The following IMMP2L variants were observed in gnomAD, a reference collection of about 807,000 sequenced individuals.
IMMP2L encodes the protein inner mitochondrial membrane peptidase subunit 2.
IMMP2L carries 18 observed loss-of-function variants against 19.3 expected under a neutral mutation model. The observed-to-expected ratio is 0.93, with a 90% CI of 0.64 to 1.38. The LOEUF (loss-of-function observed/expected upper bound fraction) is 1.38. Among genes scored for constraint, IMMP2L ranks in the 40% most tolerant of loss-of-function variants. The pLI, the probability that IMMP2L is intolerant of heterozygous loss-of-function variation, is 0.00. For synonymous variants in IMMP2L, 76 were observed against 73.0 expected, an observed-to-expected ratio of 1.04 and a Z score of -0.21; for missense variants, 233 against 218.2, an observed-to-expected ratio of 1.07 and a Z score of -0.43.
intron 3 of IMMP2L, among the ~76,000 whole-genome samples, chr7:111,397,238 T>G (rs554004226): frequency 6.6e-6 from 1 of 152,282 alleles, no homozygotes; most frequent in African/African-American, 2.4e-5. Context: ...GTATACATCA[T>G]TTTGTAACTT....
At chr7:111,338,346 T>C (rs553250974) in intron 3 of IMMP2L, among the ~76,000 whole-genome samples, 4 of 152,096 alleles carry the variant, frequency 2.6e-5, no homozygotes, top group African/African-American at 7.2e-5. Flanking sequence ...TTTTTTGCTA[T>C]GAATCTCAAT....
rs145950811 is a variant in IMMP2L, at chr7:111,262,743, T to C, written c.239+224495A>G. ...TTTCATAATTTAAATATTCCTGCTA[T>C]GTGAAGTAATCCCATGAACATCATA... On this transcript the variant is annotated intron_variant, in intron 3 of 5. Transcript: ENST00000405709. Among the ~76,000 whole-genome samples, 258 of 152,278 alleles carry C rather than the reference T, an allele frequency of 1.7e-3. 3 individuals are homozygous for C. Among genetic ancestry groups the C allele is most frequent in the African/African-American group, 6.0e-3 (248 of 41,556 alleles).
chr7:111,193,685 C>T (rs1211959595), intron 3 of IMMP2L, among the ~76,000 whole-genome samples: 1 of 151,926 alleles, frequency 6.6e-6, no homozygotes, highest in East Asian at 1.9e-4. Context: ...AGAGCCTCTT[C>T]ATTTAAGTGG....
intron 3 of IMMP2L, among the ~76,000 whole-genome samples, chr7:111,268,662 G>A (rs1312207146): frequency 7.6e-6 from 1 of 131,620 alleles, no homozygotes; most frequent in South Asian, 2.5e-4. Context: ...GCATGAACGG[G>A]GCTCACTAAA....
chr7:111,512,761 C>G (rs1416841507), intron 2 of IMMP2L, among the ~76,000 whole-genome samples: 1 of 151,762 alleles, frequency 6.6e-6, no homozygotes, highest in Admixed American at 6.6e-5. Context: ...GACATATAGA[C>G]CAATGTAATA....
chr7:111,324,681 A>T lies in IMMP2L; in HGVS notation c.239+162557T>A, dbSNP rs542910674. Among the ~76,000 whole-genome samples the T allele has an allele frequency of 8.6e-5, 13 of 151,998 alleles. No homozygotes were observed. In the South Asian group the frequency reaches 2.7e-3, roughly 31 times the overall value. Reference sequence around the variant, plus strand: ...GAGAAATTCCAATACTATATTCCCTAACAAAGGGAAAAAAATAAATTATAG... The same window carrying T: ...GAGAAATTCCAATACTATATTCCCTTACAAAGGGAAAAAAATAAATTATAG... On this transcript the variant is annotated intron_variant, in intron 3 of 5. Coordinates refer to ENST00000405709, the MANE Select transcript of IMMP2L (RefSeq NM_032549.4).
At chr7:111,181,631 A>G (rs1194575690) in intron 3 of IMMP2L, among the ~76,000 whole-genome samples, 1 of 151,996 alleles carries the variant, frequency 6.6e-6, no homozygotes, top group Non-Finnish European at 1.5e-5. Context: ...AAATACAAAA[A>G]CTTGAACTTT....
chr7:110,770,700 A>G (rs1798976636), intron 5 of IMMP2L, among the ~76,000 whole-genome samples: 1 of 152,190 alleles, frequency 6.6e-6, no homozygotes, highest in African/African-American at 2.4e-5. Flanking sequence ...TTGGGCAACT[A>G]TTACATTAAA....
chr7:111,031,408 G>GTGTGTGTA (rs71151825), intron 3 of IMMP2L, among the ~76,000 whole-genome samples: 1 of 13,928 alleles, frequency 7.2e-5, no homozygotes, highest in South Asian at 9.2e-4. Flanking sequence ...GTGTGTGTGT[G>GTGTGTGTA]AGAGAAAGAG....
At chr7:111,046,874 G>A (rs1051790313) in intron 3 of IMMP2L, among the ~76,000 whole-genome samples, 1 of 152,100 alleles carries the variant, frequency 6.6e-6, no homozygotes, top group African/African-American at 2.4e-5. Context: ...CGGGCATTGG[G>A]CCAAGAGCGT....
chr7:111,037,942 T>C (rs555383499), intron 3 of IMMP2L, among the ~76,000 whole-genome samples: 2 of 152,162 alleles, frequency 1.3e-5, no homozygotes, highest in Non-Finnish European at 2.9e-5. Context: ...GTTGCGGGGA[T>C]ATCTTAAAGT....
At chr7:111,130,667 T>C (rs1263340401) in intron 3 of IMMP2L, among the ~76,000 whole-genome samples, 2 of 152,074 alleles carry the variant, frequency 1.3e-5, no homozygotes, top group Non-Finnish European at 2.9e-5. Context: ...TCCCTGTCAT[T>C]TGTGGTACTA....
intron 4 of IMMP2L, among the ~76,000 whole-genome samples, chr7:110,888,527 C>T (rs1014024512): frequency 1.3e-5 from 2 of 152,112 alleles, no homozygotes; most frequent in Non-Finnish European, 2.9e-5. Context: ...ATCATTTCTG[C>T]AGTGACACGG....
intron 3 of IMMP2L, among the ~76,000 whole-genome samples, chr7:111,324,812 T>TC (rs1481678860): frequency 3.3e-5 from 5 of 151,872 alleles, no homozygotes; most frequent in Non-Finnish European, 5.9e-5. Flanking sequence ...AAACTAAAAT[T>TC]CAAAGTGCAA....
chr7:111,295,855 A>G (rs987849755), intron 3 of IMMP2L, among the ~76,000 whole-genome samples: 3 of 151,914 alleles, frequency 2.0e-5, no homozygotes, highest in South Asian at 4.1e-4. Context: ...AAAATGTGGC[A>G]TATCAACAAA....
chr7:110,713,362 C>T (rs1189100808), intron 5 of IMMP2L, among the ~76,000 whole-genome samples: 1 of 152,138 alleles, frequency 6.6e-6, no homozygotes, highest in Non-Finnish European at 1.5e-5. Context: ...TGACTTTGTT[C>T]TTACAGCTTG....
chr7:110,854,202 T>C (rs1806520536), intron 5 of IMMP2L, among the ~76,000 whole-genome samples: 1 of 151,972 alleles, frequency 6.6e-6, no homozygotes, highest in African/African-American at 2.4e-5. Flanking sequence ...TAACACTGCC[T>C]ACTTTTCCAC....
intron 3 of IMMP2L, among the ~76,000 whole-genome samples, chr7:111,061,869 G>C (rs1490119449): frequency 2.0e-5 from 3 of 152,118 alleles, no homozygotes; most frequent in Non-Finnish European, 4.4e-5. Context: ...ACTTACAGGA[G>C]TCTAGCTGCA....
chr7:110,994,749 T>C (rs996649642), intron 3 of IMMP2L, among the ~76,000 whole-genome samples: 2 of 152,160 alleles, frequency 1.3e-5, no homozygotes, highest in Admixed American at 1.3e-4. Context: ...AATGCAACCA[T>C]CTAAATAATA....
Sources: allele counts gnomAD v4.1 joint callset (sites outside exome capture counted in the v4.1 genomes callset), GRCh38; gene constraint gnomAD v4.1.1; transcripts MANE v1.5; gene names NCBI Gene and HGNC (gene_info 2026-07-23, HGNC 2026-07-21).